EPB41L4B: variants seen among roughly 807,000 people sequenced by gnomAD.
The protein encoded by EPB41L4B is erythrocyte membrane protein band 4.1 like 4B.
In EPB41L4B, 30 loss-of-function variants were observed where a neutral mutation model predicts 112.5. That is an observed-to-expected ratio of 0.27 (90% CI 0.20 to 0.36). The LOEUF (loss-of-function observed/expected upper bound fraction) is 0.36, where lower values mean the gene tolerates loss of function less well. EPB41L4B is among the 10% of genes least tolerant of loss of function. EPB41L4B has a pLI of 1.00. For synonymous variants in EPB41L4B, 408 were observed against 439.7 expected, an observed-to-expected ratio of 0.93 and a Z score of 0.90; for missense variants, 1,024 against 1,133.3, an observed-to-expected ratio of 0.90 and a Z score of 1.38.
At chr9:109,275,241 T>G (rs1459301427) in intron 2 of EPB41L4B, among the ~76,000 whole-genome samples, 1 of 152,202 alleles carries the variant, frequency 6.6e-6, no homozygotes, top group Non-Finnish European at 1.5e-5. Flanking sequence ...CAGAGAGCCA[T>G]GCCAAGAGCC....
intron 8 of EPB41L4B, 46 bp from the exon 9 acceptor site, chr9:109,256,270 G>A (rs756419568): frequency 1.0e-5 from 16 of 1,590,570 alleles, no homozygotes; most frequent in African/African-American, 2.7e-5. Context: ...CTAACAGGTC[G>A]TCACACAGCA....
At chr9:109,307,744 C>A (rs536470584) in intron 1 of EPB41L4B, among the ~76,000 whole-genome samples, 2 of 152,240 alleles carry the variant, frequency 1.3e-5, no homozygotes, top group East Asian at 3.9e-4. Context: ...CTGGATGATG[C>A]CCACATCCAT....
intron 1 of EPB41L4B, among the ~76,000 whole-genome samples, chr9:109,307,735 T>C (rs1837264413): frequency 6.6e-6 from 1 of 152,152 alleles, no homozygotes; most frequent in Non-Finnish European, 1.5e-5. Context: ...CGGCCTTCCC[T>C]GGATGATGCC....
At chr9:109,224,070 G>A (rs1833682547) in intron 15 of EPB41L4B, among the ~76,000 whole-genome samples, 1 of 151,914 alleles carries the variant, frequency 6.6e-6, no homozygotes, top group African/African-American at 2.4e-5. Flanking sequence ...TAAACCAGGG[G>A]AAACTCCTAT....
chr9:109,188,001 T>C (rs1832331276), intron 22 of EPB41L4B, among the ~76,000 whole-genome samples: 1 of 152,220 alleles, frequency 6.6e-6, no homozygotes, highest in Admixed American at 6.5e-5. Context: ...TATTTTGGAA[T>C]ACCACTTAAT....
At chr9:109,274,806 T>C (rs1835751595) in intron 2 of EPB41L4B, among the ~76,000 whole-genome samples, 1 of 152,220 alleles carries the variant, frequency 6.6e-6, no homozygotes, top group African/African-American at 2.4e-5. Flanking sequence ...AGCTTCATCA[T>C]CTGTAAAATG....
chr9:109,303,002 G>A lies in EPB41L4B; in HGVS notation c.306+17139C>T, dbSNP rs1045243033. Reference sequence around the variant, plus strand: ...AGGCTGAGGTGGGAGGATCACTCAAGCCCAGGAGTTCTGGGCTGCAGTGAG... The same window carrying A: ...AGGCTGAGGTGGGAGGATCACTCAAACCCAGGAGTTCTGGGCTGCAGTGAG... On this transcript the variant is annotated intron_variant, in intron 1 of 25. Coordinates refer to ENST00000374566, the MANE Select transcript of EPB41L4B (RefSeq NM_019114.5). Among the ~76,000 whole-genome samples the A allele has an allele frequency of 2.0e-5, 3 of 151,316 alleles. No homozygotes were observed. The South Asian group carries it at 6.2e-4, about 31-fold the overall frequency.
intron 14 of EPB41L4B, among the ~76,000 whole-genome samples, chr9:109,245,446 T>C (rs980044400): frequency 2.0e-5 from 3 of 152,238 alleles, no homozygotes; most frequent in African/African-American, 7.2e-5. Context: ...AGTATTTTAG[T>C]GTTAACCCAG....
rs779192608 is a variant in EPB41L4B at position 109,208,030 on chromosome 9, G to A, written c.1772C>T (p.Ser591Leu). Reference protein sequence around the residue: ...NINKAEEKKVSEKTLQTPLLP... With the variant: ...NINKAEEKKVLEKTLQTPLLP... ...AAGTGGAGTCTGAAGAGTTTTCTCC[G>A]AGACTTTCTTTTCTTCAGCCTGAGA... Residue 591 changes from serine (S) to leucine (L), a missense_variant, in exon 18 of 26, where the codon TCG becomes TTG. Physicochemically the swap from Ser to Leu is moderately radical, Grantham distance 145. Transcript: ENST00000374566. 26 of 1,613,958 alleles carry A rather than the reference G, an allele frequency of 1.6e-5. No homozygotes were observed. Among genetic ancestry groups the A allele is most frequent in the Middle Eastern group, 3.3e-4 (2 of 6,084 alleles).
chr9:109,184,231 AT>A (rs1183654841), intron 23 of EPB41L4B, among the ~76,000 whole-genome samples: 1 of 152,100 alleles, frequency 6.6e-6, no homozygotes, highest in Admixed American at 6.5e-5. Context: ...TTATTTATTT[AT>A]TTTTTGAGAC....
Position 109,256,429 on chromosome 9 carries a change from C to G in EPB41L4B, c.804G>C (p.Trp268Cys). 1 of 1,614,224 alleles carries G rather than the reference C, an allele frequency of 6.2e-7. No individual in the cohort carries two copies. Among genetic ancestry groups the G allele is most frequent in the Non-Finnish European group, 8.5e-7 (1 of 1,180,038 alleles). Residue 268 changes from tryptophan (W) to cysteine (C), a missense_variant, in exon 8 of 26, where the codon TGG becomes TGC. Physicochemically the swap from Trp to Cys is radical, Grantham distance 215. Transcript: ENST00000374566. ...AELSYLNKAK[W>C]LEMYGVDMHV... ...GCATGTCTACCCCATACATTTCCAG[C>G]CACTTCGCTTTATTCAGATAGGAGA...
intron 15 of EPB41L4B, chr9:109,240,627 C>T (rs41278387): frequency 3.0e-4 from 296 of 985,298 alleles, no homozygotes; most frequent in Non-Finnish European, 3.4e-4. Flanking sequence ...TAAAAGACAA[C>T]ATATTGATTT....
In EPB41L4B at chr9:109,320,473, G is replaced by GC; in HGVS notation, c.-28dup. 2 of 956,060 alleles carry GC rather than the reference G, an allele frequency of 2.1e-6. No homozygotes were observed. Among genetic ancestry groups the GC allele is most frequent in the East Asian group, 1.2e-4 (1 of 8,604 alleles). The allele number at this position is 956,060 out of a possible 1,614,324, so 59.2% of individuals were successfully genotyped here. ...CTGGCTGGGGGCGCCCCCTGCCTCC[G>GC]CCCCCTGCGCTGCCGCTGCCGCTGC... On this transcript the variant is annotated 5_prime_UTR_variant, in exon 1 of 26. Transcript: ENST00000374566.
intron 1 of EPB41L4B, among the ~76,000 whole-genome samples, chr9:109,292,499 G>A (rs756895388): frequency 5.9e-5 from 9 of 152,140 alleles, no homozygotes; most frequent in Non-Finnish European, 1.2e-4. Context: ...GCCCAATTGA[G>A]TCCATTCAAA....
At chr9:109,240,979 T>C (rs1350858323) in intron 15 of EPB41L4B, 1 of 985,428 alleles carries the variant, frequency 1.0e-6, no homozygotes, top group African/African-American at 1.7e-5. Flanking sequence ...TGCTTTAAGA[T>C]GTGAAATTCA....
At chr9:109,267,669 T>C (rs1394535263) in intron 3 of EPB41L4B, 118 bp from the exon 4 acceptor site, 1 of 669,646 alleles carries the variant, frequency 1.5e-6, no homozygotes, top group Non-Finnish European at 2.6e-6. Flanking sequence ...CAGGACAGCA[T>C]AACTGGGCAC....
intron 4 of EPB41L4B, among the ~76,000 whole-genome samples, chr9:109,267,169 C>G (rs985861071): frequency 1.3e-5 from 2 of 152,092 alleles, no homozygotes; most frequent in African/African-American, 4.8e-5. Flanking sequence ...ATCTGCCTTC[C>G]CTTTTTGTAG....
chr9:109,176,663 G>A lies in EPB41L4B; in HGVS notation c.2521C>T (p.Pro841Ser). 2 of 1,613,846 alleles carry A rather than the reference G, an allele frequency of 1.2e-6. No homozygotes were observed. The highest frequency in any genetic ancestry group is 4.5e-5 in the East Asian group (2 of 44,874). Reference protein sequence around the residue: ...DFRDSKLQCCPGPTSPLIPAA... With the variant: ...DFRDSKLQCCSGPTSPLIPAA... Reference sequence around the variant, plus strand: ...GGGATCAGCGGGGAAGTCGGGCCAGGACAGCACTGTAATTTACTGTCTCTG... The same window carrying A: ...GGGATCAGCGGGGAAGTCGGGCCAGAACAGCACTGTAATTTACTGTCTCTG... The change falls in exon 25 of 26, where the codon CCT becomes TCT. Residue 841 changes from proline to serine, a missense_variant. Coordinates refer to ENST00000374566, the MANE Select transcript of EPB41L4B (RefSeq NM_019114.5).
intron 1 of EPB41L4B, among the ~76,000 whole-genome samples, chr9:109,286,702 T>C (rs1003415135): frequency 2.6e-5 from 4 of 152,156 alleles, no homozygotes; most frequent in African/African-American, 7.2e-5. Context: ...GGAAGCCCTA[T>C]AGGAACTAAA....
Sources: allele counts gnomAD v4.1 joint callset (sites outside exome capture counted in the v4.1 genomes callset), GRCh38; gene constraint gnomAD v4.1.1; transcripts MANE v1.5; gene names NCBI Gene and HGNC (gene_info 2026-07-23, HGNC 2026-07-21).